LINGO2: variants seen among roughly 807,000 people sequenced by gnomAD.
LINGO2 encodes leucine rich repeat and Ig domain containing 2.
Under a neutral mutation model 30.6 loss-of-function variants are expected in LINGO2, and 14 were observed. The ratio of observed to expected loss-of-function variants is 0.46; its 90% confidence interval spans 0.30 to 0.72. The LOEUF (loss-of-function observed/expected upper bound fraction) is 0.72, where lower values mean the gene tolerates loss of function less well. Ranked by LOEUF, LINGO2 falls within the 30% of genes least tolerant of loss-of-function variation. LINGO2 has a pLI of 0.07. For missense variants in LINGO2, 729 were observed against 751.7 expected (o/e 0.97, Z 0.35); for synonymous variants, 317 against 288.5 (o/e 1.10, Z -1.00).
At chr9:28,093,434 C>T (rs1222099165) in intron 4 of LINGO2, among the ~76,000 whole-genome samples, 11 of 151,978 alleles carry the variant, frequency 7.2e-5, no homozygotes, top group Non-Finnish European at 1.0e-4. Context: ...CATAGCAACA[C>T]GTTAGTTTAG....
the LINGO2 span, among the ~76,000 whole-genome samples, chr9:28,849,899 T>C: frequency 1.3e-5 from 2 of 152,070 alleles, no homozygotes; most frequent in African/African-American, 4.8e-5. Flanking sequence ...ATTTTCTAAC[T>C]TGCTGTTCTA....
chr9:28,650,938 C>T (rs554449411), intron 1 of LINGO2, among the ~76,000 whole-genome samples: 1 of 152,068 alleles, frequency 6.6e-6, no homozygotes, highest in Non-Finnish European at 1.5e-5. Flanking sequence ...CGCCTGTAAT[C>T]CCAGCACTTT....
intron 4 of LINGO2, among the ~76,000 whole-genome samples, chr9:28,176,763 T>C (rs754131918): frequency 1.3e-5 from 2 of 152,230 alleles, no homozygotes; most frequent in Non-Finnish European, 2.9e-5. Flanking sequence ...GATTGATGGT[T>C]TGATATAGAC....
chr9:28,943,276 C>G, the LINGO2 span, among the ~76,000 whole-genome samples: 1 of 151,892 alleles, frequency 6.6e-6, no homozygotes, highest in Non-Finnish European at 1.5e-5. Context: ...ACACTGCATC[C>G]ATAAGACATC....
At chr9:28,928,440 A>G in the LINGO2 span, among the ~76,000 whole-genome samples, 1 of 152,142 alleles carries the variant, frequency 6.6e-6, no homozygotes. Flanking sequence ...CCCTTGAACA[A>G]CATGAGTTTG....
chr9:28,784,142 C>T, the LINGO2 span, among the ~76,000 whole-genome samples: 1 of 152,294 alleles, frequency 6.6e-6, no homozygotes, highest in East Asian at 1.9e-4. Context: ...AATCAATGTT[C>T]TTTTACACTG....
chr9:28,476,570 CG>C (rs1242730941), intron 1 of LINGO2, among the ~76,000 whole-genome samples: 1 of 152,196 alleles, frequency 6.6e-6, no homozygotes, highest in Non-Finnish European at 1.5e-5. Flanking sequence ...CCACCGCGCC[CG>C]GCCTATTTTC....
At chr9:28,551,829 C>T (rs989182160) in intron 1 of LINGO2, among the ~76,000 whole-genome samples, 2 of 152,064 alleles carry the variant, frequency 1.3e-5, no homozygotes, top group Non-Finnish European at 1.5e-5. Flanking sequence ...CTCTGACACA[C>T]GTGTGTCCTC....
chr9:28,496,303 C>T (rs1457363181), intron 1 of LINGO2, among the ~76,000 whole-genome samples: 2 of 152,024 alleles, frequency 1.3e-5, no homozygotes, highest in Non-Finnish European at 2.9e-5. Flanking sequence ...CTAAGTCTCT[C>T]TGTAGGTCTC....
chr9:28,854,960 C>G, the LINGO2 span, among the ~76,000 whole-genome samples: 1 of 151,878 alleles, frequency 6.6e-6, no homozygotes, highest in South Asian at 2.1e-4. Flanking sequence ...AAAATGAATA[C>G]AGAGCCAACA....
chr9:27,945,780 G>C (rs148829632), downstream of LINGO2, among the ~76,000 whole-genome samples: 24 of 152,214 alleles, frequency 1.6e-4, no homozygotes, highest in East Asian at 4.4e-3. Flanking sequence ...ATGGATACCA[G>C]AGCTTTGCAC....
At chr9:29,069,825 T>G in the LINGO2 span, among the ~76,000 whole-genome samples, 15 of 152,076 alleles carry the variant, frequency 9.9e-5, no homozygotes, top group African/African-American at 3.4e-4. Context: ...TATAAGATTT[T>G]TATTATTCTA....
exon 6 of LINGO2, chr9:27,949,942 T>C: frequency 6.2e-7 from 1 of 1,614,114 alleles, no homozygotes. Context: ...TAGAGGCTAT[T>C]GGCAGGCATC....
intron 3 of LINGO2, among the ~76,000 whole-genome samples, chr9:28,326,053 C>T (rs1825217307): frequency 6.6e-6 from 1 of 152,198 alleles, no homozygotes; most frequent in Non-Finnish European, 1.5e-5. Flanking sequence ...GTCGCTTAGG[C>T]TGGAGTGCAG....
At chr9:28,389,669 A>G (rs1821747351) in intron 2 of LINGO2, among the ~76,000 whole-genome samples, 1 of 152,082 alleles carries the variant, frequency 6.6e-6, no homozygotes, top group South Asian at 2.1e-4. Flanking sequence ...AAACCAGCCA[A>G]CCTAGCATCT....
At chr9:28,779,580 C>A in the LINGO2 span, among the ~76,000 whole-genome samples, 2 of 152,048 alleles carry the variant, frequency 1.3e-5, no homozygotes, top group African/African-American at 4.8e-5. Context: ...AAGCCAGAGA[C>A]CCCTTCATTG....
intron 4 of LINGO2, among the ~76,000 whole-genome samples, chr9:28,181,494 T>C (rs1427158654): frequency 6.6e-6 from 1 of 152,180 alleles, no homozygotes; most frequent in Non-Finnish European, 1.5e-5. Flanking sequence ...GGTCCCATCC[T>C]AGGTACAGTG....
intron 4 of LINGO2, among the ~76,000 whole-genome samples, chr9:28,067,801 C>T (rs1825358000): frequency 6.6e-6 from 1 of 152,140 alleles, no homozygotes; most frequent in Non-Finnish European, 1.5e-5. Context: ...TTTAGCAACG[C>T]ATCAACTTCT....
intron 5 of LINGO2, among the ~76,000 whole-genome samples, chr9:27,993,207 T>C (rs1821485431): frequency 1.3e-5 from 2 of 152,110 alleles, no homozygotes; most frequent in South Asian, 2.1e-4. Flanking sequence ...TTGGTAATTT[T>C]CCCCCCTCTT....
Sources: gnomAD v4.1 joint callset for allele counts (sites outside exome capture counted in the v4.1 genomes callset) on GRCh38, gnomAD v4.1.1 for gene constraint, MANE v1.5 for transcripts, NCBI Gene and HGNC (gene_info 2026-07-23, HGNC 2026-07-21) for gene names.